NAALADL2: variants seen among roughly 807,000 people sequenced by gnomAD.
NAALADL2 encodes inactive N-acetylated-alpha-linked acidic dipeptidase-like protein 2.
A neutral mutation model predicts 87.2 loss-of-function variants in NAALADL2; 76 were observed. The ratio of observed to expected loss-of-function variants is 0.87; its 90% confidence interval spans 0.72 to 1.05. The LOEUF (loss-of-function observed/expected upper bound fraction) is 1.05, where lower values mean the gene tolerates loss of function less well. Among genes scored for constraint, NAALADL2 ranks in the 50% least tolerant of loss-of-function variants. NAALADL2 has a pLI of 0.00. For missense variants in NAALADL2, 1,089 were observed against 945.8 expected (o/e 1.15, Z -1.99); for synonymous variants, 354 against 331.0 (o/e 1.07, Z -0.75).
chr3:174,793,468 G>C (rs866942245), intron 3 of NAALADL2, among the ~76,000 whole-genome samples: 1 of 152,022 alleles, frequency 6.6e-6, no homozygotes, highest in Non-Finnish European at 1.5e-5. Context: ...GGTATACACC[G>C]GAATAGGAGT....
intron 13 of NAALADL2, among the ~76,000 whole-genome samples, chr3:175,802,738 CTT>C (rs147807605): frequency 6.7e-6 from 1 of 149,022 alleles, no homozygotes; most frequent in African/African-American, 2.6e-5. Context: ...ATCAAAACTG[CTT>C]TTTTTTGTTT....
intron 13 of NAALADL2, among the ~76,000 whole-genome samples, chr3:175,760,628 T>C (rs1027380600): frequency 6.6e-6 from 1 of 152,172 alleles, no homozygotes; most frequent in African/African-American, 2.4e-5. Context: ...CAGGGGATTA[T>C]GCATTTTGTT....
At chr3:174,601,775 T>A (rs1718481726) in intron 2 of NAALADL2, among the ~76,000 whole-genome samples, 1 of 152,196 alleles carries the variant, frequency 6.6e-6, no homozygotes, top group African/African-American at 2.4e-5. Flanking sequence ...TTTCTTAGAT[T>A]GAAGTCTTAG....
intron 11 of NAALADL2, among the ~76,000 whole-genome samples, chr3:175,703,679 G>A (rs1739290766): frequency 6.6e-6 from 1 of 152,212 alleles, no homozygotes; most frequent in Non-Finnish European, 1.5e-5. Flanking sequence ...GGAGGCAGAG[G>A]TTGCAGTGAG....
rs1208288133 is a variant in NAALADL2, at chr3:175,165,474, A to G, written c.545+68183A>G. On this transcript the variant is annotated intron_variant, in intron 2 of 13. Transcript: ENST00000454872. ...TCATATTCTAAAATTTAAGGCTCAA[A>G]AAAGTTATAATTAAAAGTTAATAAA... Among the ~76,000 whole-genome samples, 3 of 152,312 alleles carry G rather than the reference A, an allele frequency of 2.0e-5. No homozygotes were observed. In the East Asian group the frequency reaches 5.8e-4, roughly 29 times the overall value.
intron 2 of NAALADL2, among the ~76,000 whole-genome samples, chr3:175,191,103 A>G (rs983473859): frequency 6.6e-6 from 1 of 152,190 alleles, no homozygotes; most frequent in Non-Finnish European, 1.5e-5. Flanking sequence ...AATTTTTGCT[A>G]TATGAGAAGA....
chr3:175,234,215 C>T lies in NAALADL2; in HGVS notation c.819+11C>T. ...AAAGGAACTCTCAAGGTAATATGAC[C>T]ATTTGTCTCTGTCATTTACAGTGAG... On this transcript the variant is annotated intron_variant, in intron 3 of 13. Transcript: ENST00000454872. 6.2e-7 allele frequency: 1 copy of T among 1,609,574 alleles called. No homozygotes were observed. Among genetic ancestry groups the T allele is most frequent in the Non-Finnish European group, 8.5e-7 (1 of 1,177,420 alleles).
At chr3:174,985,577 T>G (rs2108676611) in intron 1 of NAALADL2, among the ~76,000 whole-genome samples, 1 of 152,280 alleles carries the variant, frequency 6.6e-6, no homozygotes, top group East Asian at 1.9e-4. Context: ...TGCTTTTTAG[T>G]GCTGCCATAA....
At chr3:175,690,280 G>A (rs1241738812) in intron 11 of NAALADL2, among the ~76,000 whole-genome samples, 1 of 151,976 alleles carries the variant, frequency 6.6e-6, no homozygotes, top group Non-Finnish European at 1.5e-5. Flanking sequence ...AAAAGGCACT[G>A]GAGAAATAAT....
intron 1 of NAALADL2, among the ~76,000 whole-genome samples, chr3:174,873,150 T>C (rs1728051983): frequency 6.6e-6 from 1 of 152,228 alleles, no homozygotes; most frequent in Admixed American, 6.5e-5. Context: ...TTAATCTATT[T>C]AACTTAGTTT....
At chr3:175,036,589 C>T (rs370272413) in intron 1 of NAALADL2, among the ~76,000 whole-genome samples, 4 of 151,604 alleles carry the variant, frequency 2.6e-5, no homozygotes, top group South Asian at 2.1e-4. Flanking sequence ...TTAGTAGAGA[C>T]GGGGTTTCAC....
rs571103092 is a variant in NAALADL2, at chr3:174,691,419, A to AG, written c.-114-46222_-114-46221insG. 9.6e-4 allele frequency among the ~76,000 whole-genome samples: 133 copies of AG among 138,578 alleles called. 2 individuals carry two copies. Among genetic ancestry groups the AG allele is most frequent in the African/African-American group, 3.3e-3 (128 of 38,712 alleles). 90.9% of individuals were successfully genotyped at this position (138,578 alleles called of 152,430 possible). Reference sequence around the variant, plus strand: ...AGAGTGAGACTCTGTCTCAAAAAAAATAATTAAATAAAACCCACAAAAAAA... The same window carrying AG: ...AGAGTGAGACTCTGTCTCAAAAAAAAGTAATTAAATAAAACCCACAAAAAAA... On this transcript the variant is annotated intron_variant, in intron 2 of 3. Coordinates refer to the NAALADL2 transcript ENST00000434257.
chr3:174,707,300 A>G (rs1730173073), intron 2 of NAALADL2, among the ~76,000 whole-genome samples: 1 of 152,108 alleles, frequency 6.6e-6, no homozygotes, highest in Non-Finnish European at 1.5e-5. Flanking sequence ...TACTGGGTAT[A>G]TACCTGAAGG....
At chr3:174,481,178 G>C (rs759198198) in intron 1 of NAALADL2, among the ~76,000 whole-genome samples, 1 of 152,098 alleles carries the variant, frequency 6.6e-6, no homozygotes, top group Non-Finnish European at 1.5e-5. Flanking sequence ...AACTTGGCTG[G>C]AGTGGAGAAA....
chr3:175,528,520 A>G (rs1317034369), intron 9 of NAALADL2, among the ~76,000 whole-genome samples: 1 of 152,066 alleles, frequency 6.6e-6, no homozygotes, highest in Non-Finnish European at 1.5e-5. Flanking sequence ...CCCACCCAGG[A>G]TCAACACTTT....
rs1278578292 is a variant in NAALADL2, at chr3:174,556,000, TGTGTGTGTGC to T, written c.-115+5365_-115+5374del. ...GTGTGTGTGTGTGTGTGTGTGTGTG[TGTGTGTGTGC>T]GCGCACGTGAGTGTGTTTCTTCTAG... On this transcript the variant is annotated intron_variant, in intron 2 of 3. Transcript: ENST00000434257. Among the ~76,000 whole-genome samples the T allele has an allele frequency of 3.6e-3, 505 of 138,628 alleles. 3 individuals are homozygous for T. The highest frequency in any genetic ancestry group is 0.014 in the African/African-American group (486 of 35,660). The allele number at this position is 138,628 out of a possible 152,430, so 90.9% of individuals were successfully genotyped here.
rs149513592 is a variant in NAALADL2, at chr3:175,232,237, G to GAAGAACAAAGAAGA, written c.546-1689_546-1688insCAAAGAAGAAAGAA. ...AAGAGAAGAAGAAGAAGAGGAAGAGGAAGAAGAAAGAACAAGAAGAAGAAG... is the reference window on the plus strand; with the variant it reads ...AAGAGAAGAAGAAGAAGAGGAAGAGGAAGAACAAAGAAGAAAGAAGAAAGAACAAGAAGAAGAAG... On this transcript the variant is annotated intron_variant, in intron 2 of 13. Transcript: ENST00000454872. 1.0e-4 allele frequency among the ~76,000 whole-genome samples: 15 copies of GAAGAACAAAGAAGA among 149,342 alleles called. No homozygotes were observed. The Admixed American group carries it at 1.0e-3, about 10-fold the overall frequency.
chr3:175,421,572 G>A (rs1465486686), intron 5 of NAALADL2, among the ~76,000 whole-genome samples: 1 of 151,990 alleles, frequency 6.6e-6, no homozygotes, highest in Non-Finnish European at 1.5e-5. Flanking sequence ...AAAGAATTTT[G>A]TTGTGTTACA....
intron 5 of NAALADL2, among the ~76,000 whole-genome samples, chr3:175,345,150 A>G (rs1220662666): frequency 6.6e-6 from 1 of 152,180 alleles, no homozygotes; most frequent in Non-Finnish European, 1.5e-5. Flanking sequence ...AATTAAATAA[A>G]TATAAGTAAG....
Sources: gnomAD v4.1 joint callset for allele counts (sites outside exome capture counted in the v4.1 genomes callset) on GRCh38, gnomAD v4.1.1 for gene constraint, MANE v1.5 for transcripts, NCBI Gene and HGNC (gene_info 2026-07-23, HGNC 2026-07-21) for gene names.